Variants in WASF3 observed in about 807,000 individuals in gnomAD.
The protein encoded by WASF3 is actin-binding protein WASF3.
In WASF3, 11 loss-of-function variants were observed where a neutral mutation model predicts 46.6. The ratio of observed to expected loss-of-function variants is 0.24; its 90% confidence interval spans 0.15 to 0.39. The LOEUF (loss-of-function observed/expected upper bound fraction) is 0.39, where lower values mean the gene tolerates loss of function less well. Ranked by LOEUF, WASF3 falls within the 10% of genes least tolerant of loss-of-function variation. The pLI, the probability that WASF3 is intolerant of heterozygous loss-of-function variation, is 1.00. For missense variants in WASF3, 576 were observed against 669.8 expected (o/e 0.86, Z 1.55); for synonymous variants, 242 against 259.7 (o/e 0.93, Z 0.65).
chr13:26,623,320 A>G (rs1049604717), intron 2 of WASF3, among the ~76,000 whole-genome samples: 2 of 152,096 alleles, frequency 1.3e-5, no homozygotes, highest in Admixed American at 1.3e-4. Context: ...TGCCACTGGG[A>G]GACAGGCATG....
chr13:26,628,222 A>C (rs1013234804), intron 2 of WASF3, among the ~76,000 whole-genome samples: 1 of 152,180 alleles, frequency 6.6e-6, no homozygotes. Flanking sequence ...AATAGTAAGA[A>C]AACAAAACAA....
intron 5 of WASF3, 74 bp downstream of exon 5, chr13:26,667,744 G>T: frequency 1.4e-6 from 2 of 1,441,598 alleles, no homozygotes; most frequent in Non-Finnish European, 1.9e-6. Flanking sequence ...GCAAGCTGAT[G>T]CATTGTGTGG....
At chr13:26,546,759 G>A in the WASF3 span, among the ~76,000 whole-genome samples, 1 of 152,262 alleles carries the variant, frequency 6.6e-6, no homozygotes, top group Non-Finnish European at 1.5e-5. Flanking sequence ...CAAAAATTGT[G>A]CTTGCCAAAA....
rs535873601 is a variant in WASF3, at chr13:26,557,878, C to A, written c.-109+59C>A. ...CTGTAGGCTGCTGTGGCCCTCTCGG[C>A]TCCGGGCCGGGCGGCTGTCGGGGGA... is the stretch of plus-strand genomic sequence containing the variant. On this transcript the variant is annotated intron_variant, in intron 1 of 9. Coordinates refer to ENST00000335327, the MANE Select transcript of WASF3 (RefSeq NM_006646.6). 1.8e-3 allele frequency: 524 copies of A among 296,028 alleles called. 1 individual carries two copies. The highest frequency in any genetic ancestry group is 4.0e-3 in the South Asian group (28 of 6,970). The allele number at this position is 296,028 out of a possible 1,614,324, so 18.3% of individuals were successfully genotyped here.
At position 26,682,526 on chromosome 13, in the gene WASF3, G is replaced by A; in HGVS notation, c.984-81G>A. The stretch of plus-strand genomic sequence containing the variant: ...ACAATACGTGTTGTGTCTGGGGATG[G>A]CTCCGTTAGGTGTCTAAGAGCTCCC... On this transcript the variant is annotated intron_variant, in intron 8 of 9. Coordinates refer to ENST00000335327, the MANE Select transcript of WASF3 (RefSeq NM_006646.6). This position sits in a 1 kb window ranked among gnomAD's most constrained non-coding sequence, Gnocchi z 4.4. The A allele has an allele frequency of 6.4e-7, 1 of 1,552,178 alleles. No individual in the cohort carries two copies. Among genetic ancestry groups the A allele is most frequent in the Non-Finnish European group, 8.8e-7 (1 of 1,136,630 alleles).
chr13:26,653,401 C>G (rs1320934148), intron 3 of WASF3, among the ~76,000 whole-genome samples: 1 of 152,184 alleles, frequency 6.6e-6, no homozygotes, highest in Non-Finnish European at 1.5e-5. Flanking sequence ...ATTCATATCT[C>G]CATGGCCTCT....
At chr13:26,574,340 A>G (rs1420684588) in intron 1 of WASF3, among the ~76,000 whole-genome samples, 2 of 151,964 alleles carry the variant, frequency 1.3e-5, no homozygotes, top group African/African-American at 2.4e-5. Context: ...GTTTCTATTT[A>G]TTTACTCTTG....
At chr13:26,614,891 G>T (rs868679051) in intron 2 of WASF3, among the ~76,000 whole-genome samples, 55 of 151,826 alleles carry the variant, frequency 3.6e-4, no homozygotes, top group African/African-American at 1.1e-3. Context: ...CACGCCATCT[G>T]CTTGTTTTGC....
chr13:26,680,975 C>G (rs1280916796), intron 7 of WASF3, 79 bp from the exon 8 acceptor site: 61 of 1,509,138 alleles, frequency 4.0e-5, no homozygotes, highest in Non-Finnish European at 5.0e-5. Context: ...TGTTATTATT[C>G]AAATACATCC....
rs979753620 is a variant in WASF3, at chr13:26,557,748, G to A, written c.-180G>A. 20 of 223,948 alleles carry A rather than the reference G, an allele frequency of 8.9e-5. No individual in the cohort carries two copies. Among genetic ancestry groups the A allele is most frequent in the African/African-American group, 2.4e-4 (10 of 42,542 alleles). The allele number at this position is 223,948 out of a possible 1,614,324, so 13.9% of individuals were successfully genotyped here. A position where few individuals can be genotyped will look rare whatever the true frequency, so the allele number is the denominator to read the frequency against. Reference sequence around the variant, plus strand: ...CGGTGTGGTGCGAGGCGGGTGCGCCGGGCGGCCGCGGCGCGGCGGGACCAT... The same window carrying A: ...CGGTGTGGTGCGAGGCGGGTGCGCCAGGCGGCCGCGGCGCGGCGGGACCAT... On this transcript the variant is annotated 5_prime_UTR_variant, in exon 1 of 10. Coordinates refer to ENST00000335327, the MANE Select transcript of WASF3 (RefSeq NM_006646.6).
intron 1 of WASF3, among the ~76,000 whole-genome samples, chr13:26,603,750 T>C (rs192174968): frequency 6.6e-6 from 1 of 152,310 alleles, no homozygotes; most frequent in Admixed American, 6.5e-5. Flanking sequence ...TCAAGGATTT[T>C]CTGGTTGGAG....
At chr13:26,607,668 G>T (rs1223660596) in intron 1 of WASF3, among the ~76,000 whole-genome samples, 7 of 151,724 alleles carry the variant, frequency 4.6e-5, no homozygotes, top group African/African-American at 1.7e-4. Flanking sequence ...GTCTTGCTCT[G>T]TCGCCCAGAC....
chr13:26,577,477 A>G (rs12397515), intron 1 of WASF3: 17,645 of 1,006,830 alleles, frequency 0.018, 237 homozygotes, highest in South Asian at 0.023. Context: ...AAGACATAGA[A>G]AAGACTTGCC....
chr13:26,571,387 G>A (rs1879628507), intron 1 of WASF3, among the ~76,000 whole-genome samples: 1 of 152,076 alleles, frequency 6.6e-6, no homozygotes, highest in South Asian at 2.1e-4. Flanking sequence ...TTTACATTTA[G>A]ATTTATGATA....
At chr13:26,670,612 A>G (rs1260447095) in intron 5 of WASF3, among the ~76,000 whole-genome samples, 1 of 152,166 alleles carries the variant, frequency 6.6e-6, no homozygotes, top group African/African-American at 2.4e-5. Flanking sequence ...TGTACCTCTT[A>G]TATGTCTTAA....
At chr13:26,590,051 A>G (rs1412275117) in intron 1 of WASF3, among the ~76,000 whole-genome samples, 1 of 152,240 alleles carries the variant, frequency 6.6e-6, no homozygotes, top group African/African-American at 2.4e-5. Context: ...GGAAAGCTGC[A>G]ACTGAAGACC....
chr13:26,591,675 C>G (rs1337510801), intron 1 of WASF3, among the ~76,000 whole-genome samples: 2 of 152,066 alleles, frequency 1.3e-5, no homozygotes, highest in African/African-American at 4.8e-5. Flanking sequence ...ACTGAGTTAG[C>G]TGTTGAGTAT....
At chr13:26,593,376 G>A (rs555175105) in intron 1 of WASF3, among the ~76,000 whole-genome samples, 1 of 152,208 alleles carries the variant, frequency 6.6e-6, no homozygotes, top group East Asian at 1.9e-4. Flanking sequence ...ATATGCTGAA[G>A]ATCAAATCAT....
chr13:26,614,537 T>G (rs1222770738), intron 2 of WASF3, among the ~76,000 whole-genome samples: 1 of 152,212 alleles, frequency 6.6e-6, no homozygotes, highest in African/African-American at 2.4e-5. Context: ...TGTTAAATGC[T>G]TATATTAGAA....
Sources: gnomAD v4.1 joint callset for allele counts (sites outside exome capture counted in the v4.1 genomes callset) on GRCh38, gnomAD v4.1.1 for gene constraint, Gnocchi (gnomAD v3.1) non-coding constraint, MANE v1.5 for transcripts, NCBI Gene and HGNC (gene_info 2026-07-23, HGNC 2026-07-21) for gene names.